Variants in GUCA1C observed in about 807,000 individuals in gnomAD.
GUCA1C encodes guanylyl cyclase-activating protein 3.
A neutral mutation model predicts 16.2 loss-of-function variants in GUCA1C; 15 were observed. The ratio of observed to expected loss-of-function variants is 0.93; its 90% CI spans 0.62 to 1.43. The LOEUF (loss-of-function observed/expected upper bound fraction) is 1.43. Among genes scored for constraint, GUCA1C ranks in the 40% most tolerant of loss-of-function variants. The pLI is 0.00. For synonymous variants in GUCA1C, 78 were observed against 85.4 expected (o/e 0.91, Z 0.48); for missense variants, 275 against 244.8 (o/e 1.12, Z -0.82).
In GUCA1C at chr3:108,936,364, A is replaced by G. The variant is rs181296278; in HGVS notation, c.205-15779T>C. Among the ~76,000 whole-genome samples, 268 of 152,342 alleles carry G rather than the reference A, an allele frequency of 1.8e-3. 5 individuals are homozygous for G. The highest frequency in any genetic ancestry group is 6.2e-3 in the African/African-American group (258 of 41,582). ...CAAAAAAAAAGAAAGAAAAAAGCCTATGTCCTGGACACTGTGTTAGTCACT... is the reference window on the plus strand; with the variant it reads ...CAAAAAAAAAGAAAGAAAAAAGCCTGTGTCCTGGACACTGTGTTAGTCACT... On this transcript the variant is annotated intron_variant, in intron 1 of 3. Coordinates refer to ENST00000261047, the MANE Select transcript of GUCA1C (RefSeq NM_005459.4).
intron 1 of GUCA1C, among the ~76,000 whole-genome samples, chr3:108,922,416 C>A (rs956145793): frequency 5.9e-5 from 9 of 152,198 alleles, no homozygotes; most frequent in African/African-American, 2.2e-4. Flanking sequence ...AATCTCCACA[C>A]TGTTTCACAT....
chr3:108,936,611 A>AT (rs1946730138), intron 1 of GUCA1C, among the ~76,000 whole-genome samples: 1 of 152,196 alleles, frequency 6.6e-6, no homozygotes, highest in Non-Finnish European at 1.5e-5. Flanking sequence ...TTACAATTAA[A>AT]TTGTCTTTCT....
At chr3:108,952,285 C>G (rs1362092459) in intron 1 of GUCA1C, among the ~76,000 whole-genome samples, 1 of 152,208 alleles carries the variant, frequency 6.6e-6, no homozygotes, top group Non-Finnish European at 1.5e-5. Context: ...GTATCTGGAA[C>G]ACACTTCCAG....
intron 1 of GUCA1C, among the ~76,000 whole-genome samples, chr3:108,927,305 C>T (rs957734983): frequency 6.6e-6 from 1 of 152,180 alleles, no homozygotes; most frequent in Non-Finnish European, 1.5e-5. Context: ...TTTTACTTTA[C>T]TATTCCCTCA....
intron 1 of GUCA1C, among the ~76,000 whole-genome samples, chr3:108,934,901 C>T (rs1946708129): frequency 6.7e-6 from 1 of 150,308 alleles, no homozygotes; most frequent in Admixed American, 6.7e-5. Context: ...GCAAGCTCCG[C>T]CTCCCGGGTT....
chr3:108,919,553 T>C (rs1946550754), intron 2 of GUCA1C, among the ~76,000 whole-genome samples: 1 of 152,194 alleles, frequency 6.6e-6, no homozygotes, highest in South Asian at 2.1e-4. Flanking sequence ...ATCCTACCCT[T>C]GAATTCTTTC....
At chr3:108,937,029 C>T (rs114238971) in intron 1 of GUCA1C, among the ~76,000 whole-genome samples, 2,893 of 152,238 alleles carry the variant, frequency 0.019, 84 homozygotes, top group African/African-American at 0.066. Context: ...CTTTCAGCAC[C>T]CCATAGACAA....
At chr3:108,954,845 T>C (rs994498935), upstream of GUCA1C, among the ~76,000 whole-genome samples, 1 of 150,574 alleles carries the variant, frequency 6.6e-6, no homozygotes, top group Non-Finnish European at 1.5e-5. Context: ...CACGCCATTC[T>C]CCTGCCTCAG....
chr3:108,947,016 A>C (rs1055301642), intron 1 of GUCA1C, among the ~76,000 whole-genome samples: 1 of 152,128 alleles, frequency 6.6e-6, no homozygotes, highest in Non-Finnish European at 1.5e-5. Context: ...AAAAGAGTAG[A>C]TTTTAAATGT....
At chr3:108,938,619 C>T (rs1349339967) in intron 1 of GUCA1C, among the ~76,000 whole-genome samples, 1 of 152,176 alleles carries the variant, frequency 6.6e-6, no homozygotes. Context: ...TATTTTCACC[C>T]ACAGATACTA....
intron 1 of GUCA1C, among the ~76,000 whole-genome samples, chr3:108,948,976 C>A (rs541889527): frequency 6.6e-6 from 1 of 151,890 alleles, no homozygotes; most frequent in Admixed American, 6.6e-5. Context: ...GCCTCCCGAG[C>A]AGCTGGGATT....
At chr3:108,942,765 T>G (rs1946800114) in intron 1 of GUCA1C, among the ~76,000 whole-genome samples, 1 of 152,238 alleles carries the variant, frequency 6.6e-6, no homozygotes, top group Non-Finnish European at 1.5e-5. Context: ...TCTGAGGATG[T>G]GCCTATCTTC....
chr3:108,926,099 T>A (rs1381536301), intron 1 of GUCA1C, among the ~76,000 whole-genome samples: 9 of 150,986 alleles, frequency 6.0e-5, no homozygotes. Flanking sequence ...AAAAAAAAAA[T>A]TGGGGAACTC....
intron 1 of GUCA1C, among the ~76,000 whole-genome samples, chr3:108,944,620 T>C (rs1017879127): frequency 2.0e-5 from 3 of 152,200 alleles, no homozygotes; most frequent in South Asian, 2.1e-4. Flanking sequence ...CTCTCTCTCA[T>C]ATATAAGCCC....
chr3:108,913,350 A>G (rs897744599), intron 3 of GUCA1C, among the ~76,000 whole-genome samples: 1 of 152,054 alleles, frequency 6.6e-6, no homozygotes, highest in Admixed American at 6.6e-5. Context: ...ATAAAAAATT[A>G]TATTTGAGGT....
intron 1 of GUCA1C, among the ~76,000 whole-genome samples, chr3:108,948,769 C>A (rs745528584): frequency 2.6e-5 from 4 of 151,746 alleles, no homozygotes; most frequent in Non-Finnish European, 4.4e-5. Flanking sequence ...TATAAAATTT[C>A]TCAGAATATG....
At chr3:108,945,876 A>T (rs1350318708) in intron 1 of GUCA1C, among the ~76,000 whole-genome samples, 3 of 152,168 alleles carry the variant, frequency 2.0e-5, no homozygotes, top group African/African-American at 7.2e-5. Context: ...CCCTCATATA[A>T]CCCAATGATA....
chr3:108,920,517 T>G lies in GUCA1C; in HGVS notation c.273A>C (p.Gln91His). ...ACAGCTTAAAATACCATTTTAATTTTTGCTCCATTTTTTCTTGCATGATTA... is the reference window on the plus strand; with the variant it reads ...ACAGCTTAAAATACCATTTTAATTTGTGCTCCATTTTTTCTTGCATGATTA... ...VNLIMQEKME[Q>H]KLKWYFKLYD... The change falls in exon 2 of 4, where the codon CAA becomes CAC. Residue 91 changes from glutamine to histidine, a missense_variant. Physicochemically the swap from Gln to His is conservative, Grantham distance 24. Transcript: ENST00000261047. 6.3e-7 allele frequency: 1 copy of G among 1,594,240 alleles called. No individual in the cohort carries two copies. The highest frequency in any genetic ancestry group is 8.6e-7 in the Non-Finnish European group (1 of 1,162,210).
chr3:108,936,796 C>G (rs987491389), intron 1 of GUCA1C, among the ~76,000 whole-genome samples: 5 of 152,142 alleles, frequency 3.3e-5, no homozygotes, highest in African/African-American at 1.2e-4. Context: ...CATACTAGCT[C>G]AAGGGAAGTC....
Sources: allele counts gnomAD v4.1 joint callset (sites outside exome capture counted in the v4.1 genomes callset), GRCh38; gene constraint gnomAD v4.1.1; transcripts MANE v1.5; gene names NCBI Gene and HGNC (gene_info 2026-07-23, HGNC 2026-07-21).